FSTL5: variants seen among roughly 807,000 people sequenced by gnomAD.
FSTL5 encodes the protein follistatin-related protein 5.
In FSTL5, 62 loss-of-function variants were observed where a neutral mutation model predicts 89.1. The observed-to-expected ratio is 0.70, with a 90% CI of 0.57 to 0.86. The LOEUF is 0.86. FSTL5 is among the 40% of genes least tolerant of loss of function. The pLI is 0.00. For missense variants in FSTL5, 1,057 were observed against 1,001.6 expected, an observed-to-expected ratio of 1.06 and a Z score of -0.75; for synonymous variants, 383 against 346.2, an observed-to-expected ratio of 1.11 and a Z score of -1.18.
chr4:162,075,990 G>T (rs918192202), intron 2 of FSTL5, among the ~76,000 whole-genome samples: 5 of 151,782 alleles, frequency 3.3e-5, no homozygotes, highest in Non-Finnish European at 5.9e-5. Flanking sequence ...TTTCCTCAGA[G>T]TATTCCCAAT....
chr4:162,067,996 G>A (rs1738974349), intron 2 of FSTL5, among the ~76,000 whole-genome samples: 1 of 152,040 alleles, frequency 6.6e-6, no homozygotes, highest in Non-Finnish European at 1.5e-5. Flanking sequence ...AACAAGGGAA[G>A]TGAAGGCCCT....
At chr4:161,748,522 C>T (rs1740279509) in intron 6 of FSTL5, among the ~76,000 whole-genome samples, 1 of 151,526 alleles carries the variant, frequency 6.6e-6, no homozygotes, top group South Asian at 2.1e-4. Flanking sequence ...AAACATTAAT[C>T]CATGTGGTAT....
chr4:161,503,460 G>A (rs1251297346), intron 11 of FSTL5, among the ~76,000 whole-genome samples: 2 of 151,392 alleles, frequency 1.3e-5, no homozygotes, highest in East Asian at 1.9e-4. Context: ...TTCTAGTAAA[G>A]CATTTCTTAA....
rs1560840906 is a variant in FSTL5 at position 161,779,791 on chromosome 4, ATATATATATATATATATATG to A, written c.410-3737_410-3718del. 9.7e-3 allele frequency among the ~76,000 whole-genome samples: 498 copies of A among 51,482 alleles called. 27 individuals are homozygous for A. Among genetic ancestry groups the A allele is most frequent in the African/African-American group, 0.058 (351 of 6,008 alleles). 33.8% of individuals were successfully genotyped at this position (51,482 alleles called of 152,430 possible). On this transcript the variant is annotated intron_variant, in intron 4 of 15. Coordinates refer to ENST00000306100, the MANE Select transcript of FSTL5 (RefSeq NM_020116.5). ...TATATATATGTATATATATATATAT[ATATATATATATATATATATG>A]TATATATATATATATATATATATAT...
intron 6 of FSTL5, among the ~76,000 whole-genome samples, chr4:161,756,187 T>C (rs952857646): frequency 6.6e-6 from 1 of 151,222 alleles, no homozygotes; most frequent in Non-Finnish European, 1.5e-5. Flanking sequence ...AGAAAAAACA[T>C]TATTTCCACT....
chr4:161,650,252 A>G (rs779968018), intron 7 of FSTL5, among the ~76,000 whole-genome samples: 8 of 152,324 alleles, frequency 5.3e-5, no homozygotes, highest in Non-Finnish European at 1.2e-4. Flanking sequence ...TCCTGGTGGT[A>G]TAAGCCACAT....
intron 8 of FSTL5, among the ~76,000 whole-genome samples, chr4:161,586,882 C>T (rs565858075): frequency 3.3e-5 from 5 of 152,184 alleles, no homozygotes; most frequent in Admixed American, 2.0e-4. Context: ...ATATATGTTA[C>T]AATAAATTAT....
chr4:161,961,082 C>T (rs1036703), intron 3 of FSTL5, among the ~76,000 whole-genome samples: 59,287 of 151,772 alleles, frequency 0.39, 11,886 homozygotes, highest in Middle Eastern at 0.55. Flanking sequence ...AAAAGAAGAG[C>T]AAATTTGAGA....
chr4:161,978,860 A>G (rs1365692495), intron 3 of FSTL5, among the ~76,000 whole-genome samples: 1 of 152,162 alleles, frequency 6.6e-6, no homozygotes, highest in Non-Finnish European at 1.5e-5. Flanking sequence ...TTATTGCCTC[A>G]TATCAGGAGA....
chr4:162,003,734 C>A (rs1295042546), intron 3 of FSTL5, among the ~76,000 whole-genome samples: 1 of 152,072 alleles, frequency 6.6e-6, no homozygotes, highest in Non-Finnish European at 1.5e-5. Context: ...AATGTAATAT[C>A]TTTAAGCACA....
chr4:161,778,764 T>C (rs1741513860), intron 4 of FSTL5, among the ~76,000 whole-genome samples: 2 of 152,212 alleles, frequency 1.3e-5, no homozygotes, highest in Non-Finnish European at 2.9e-5. Flanking sequence ...AGTAATCAAA[T>C]CCGTAGCCAT....
chr4:161,718,718 A>G (rs1739090704), intron 6 of FSTL5, among the ~76,000 whole-genome samples: 1 of 152,188 alleles, frequency 6.6e-6, no homozygotes, highest in African/African-American at 2.4e-5. Flanking sequence ...GTGAGCCACC[A>G]TGTCCTGCCT....
chr4:161,462,543 T>C (rs1431577768), intron 13 of FSTL5, among the ~76,000 whole-genome samples: 2 of 152,200 alleles, frequency 1.3e-5, no homozygotes, highest in Non-Finnish European at 1.5e-5. Context: ...ACAATAATAA[T>C]AGTACCTTGG....
chr4:161,977,031 T>C (rs6853536), intron 3 of FSTL5, among the ~76,000 whole-genome samples: 38,048 of 151,998 alleles, frequency 0.25, 5,680 homozygotes, highest in African/African-American at 0.42. Context: ...ATAAAAGTAA[T>C]GGGAAGAAAA....
chr4:161,842,383 C>G (rs926910240), intron 4 of FSTL5, among the ~76,000 whole-genome samples: 1 of 152,112 alleles, frequency 6.6e-6, no homozygotes, highest in Non-Finnish European at 1.5e-5. Flanking sequence ...TTTCAAGTTA[C>G]AAATCATCCA....
At chr4:161,970,807 C>T (rs964157831) in intron 3 of FSTL5, among the ~76,000 whole-genome samples, 1 of 150,270 alleles carries the variant, frequency 6.7e-6, no homozygotes, top group East Asian at 1.9e-4. Flanking sequence ...CTCTGAATTG[C>T]AAAAAAAAAT....
rs182310672 is a variant in FSTL5, at chr4:161,576,562, C to A, written c.1015+10893G>T. On this transcript the variant is annotated intron_variant, in intron 8 of 15. Transcript: ENST00000306100. ...CTTCGACAAACCTGACAAAAACAAG[C>A]AACTGGGAAATGATTCCCTATTTAA... is the stretch of plus-strand genomic sequence containing the variant. Among the ~76,000 whole-genome samples the A allele has an allele frequency of 1.6e-3, 240 of 152,260 alleles. 2 individuals carry two copies. Among genetic ancestry groups the A allele is most frequent in the African/African-American group, 5.5e-3 (229 of 41,552 alleles).
At chr4:162,003,564 G>A (rs1050266697) in intron 3 of FSTL5, among the ~76,000 whole-genome samples, 1 of 152,116 alleles carries the variant, frequency 6.6e-6, no homozygotes, top group African/African-American at 2.4e-5. Flanking sequence ...CAGGCAGAGA[G>A]GAAGGTAGAG....
chr4:161,401,710 C>T (rs1424927133), intron 15 of FSTL5, among the ~76,000 whole-genome samples: 1 of 151,812 alleles, frequency 6.6e-6, no homozygotes, highest in African/African-American at 2.4e-5. Flanking sequence ...GTATTTTTTA[C>T]TAGAGATGGG....
Sources: gnomAD v4.1 joint callset for allele counts (sites outside exome capture counted in the v4.1 genomes callset) on GRCh38, gnomAD v4.1.1 for gene constraint, MANE v1.5 for transcripts, NCBI Gene and HGNC (gene_info 2026-07-23, HGNC 2026-07-21) for gene names.